PLCH2: variants seen among roughly 807,000 people sequenced by gnomAD.
The protein encoded by PLCH2 is phospholipase C eta 2, also known as 1-phosphatidylinositol 4,5-bisphosphate phosphodiesterase eta-2.
Under a neutral mutation model 134.7 loss-of-function variants are expected in PLCH2, and 98 were observed. That is an observed-to-expected ratio of 0.73 (90% CI 0.62 to 0.86). The LOEUF (loss-of-function observed/expected upper bound fraction) is 0.86. PLCH2 is among the 40% of genes least tolerant of loss of function. The pLI is 0.00. For synonymous variants in PLCH2, 974 were observed against 827.5 expected (o/e 1.18, Z -3.04); for missense variants, 1,994 against 1,986.6 (o/e 1.00, Z -0.07).
intron 2 of PLCH2, among the ~76,000 whole-genome samples, chr1:2,450,200 G>A (rs1156458213): frequency 2.6e-5 from 4 of 152,250 alleles, no homozygotes; most frequent in South Asian, 4.1e-4. Context: ...GGCAGATATC[G>A]GGCACCTCCT....
chr1:2,468,629 A>T (rs996110056), intron 1 of PLCH2, among the ~76,000 whole-genome samples: 2 of 152,242 alleles, frequency 1.3e-5, no homozygotes, highest in African/African-American at 4.8e-5. Context: ...GGCTCAGGCC[A>T]GACACCAGGA....
chr1:2,477,944 G>A (rs12742193), intron 1 of PLCH2, among the ~76,000 whole-genome samples: 16,692 of 152,260 alleles, frequency 0.11, 988 homozygotes, highest in East Asian at 0.14. Flanking sequence ...GCAGGGGCAT[G>A]GGGTTGCTGC....
At chr1:2,470,603 G>A (rs894729217) in intron 1 of PLCH2, among the ~76,000 whole-genome samples, 3 of 152,168 alleles carry the variant, frequency 2.0e-5, no homozygotes, top group Middle Eastern at 6.8e-3. Context: ...CTGTTTCCTC[G>A]CCTCCTCCGT....
In PLCH2 at chr1:2,487,683, T is replaced by C; in HGVS notation, c.1200T>C (p.Ile400=). The stretch of plus-strand genomic sequence containing the variant: ...CCAAGATCCTCTTCAAAGACGTCAT[T>C]GAAACCATCAACAAATATGCCTTCA... The part of the protein sequence containing the change: ...LTSKILFKDV[I]ETINKYAFIK... Residue 400 remains isoleucine (I), a synonymous_variant, in exon 8 of 22, where the codon ATT becomes ATC. Transcript: ENST00000378486. The C allele has an allele frequency of 1.2e-6, 2 of 1,613,520 alleles. No homozygotes were observed.
chr1:2,494,466 A>G (rs1370305047), intron 11 of PLCH2: 1 of 322,958 alleles, frequency 3.1e-6, no homozygotes, highest in African/African-American at 2.2e-5. Flanking sequence ...GGGTTGCGCA[A>G]GCAGGCCTGG....
chr1:2,459,368 TCC>T (rs1640660185), intron 2 of PLCH2, among the ~76,000 whole-genome samples: 1 of 149,002 alleles, frequency 6.7e-6, no homozygotes, highest in Non-Finnish European at 1.5e-5. Flanking sequence ...TTCCTGGTGG[TCC>T]TCCTTGCCGG....
In PLCH2 at chr1:2,480,272, A is replaced by G. The variant is rs773398129; in HGVS notation, c.605A>G (p.Asn202Ser). 5 of 1,612,536 alleles carry G rather than the reference A, an allele frequency of 3.1e-6. No homozygotes were observed. The highest frequency in any genetic ancestry group is 2.2e-5 in the East Asian group (1 of 44,894). Residue 202 changes from asparagine (N) to serine (S), a missense_variant, in exon 4 of 22, where the codon AAC becomes AGC. By Grantham distance (46) the Asn-to-Ser change is conservative (BLOSUM62 1). This residue lies in a region of PLCH2 where 1,094 missense variants were observed against 1,234.3 expected (regional missense o/e 0.89). Transcript: ENST00000378486. ...GEVLQLLHKLNVNLPRQRVKQ... is the reference protein window; with the variant it reads ...GEVLQLLHKLSVNLPRQRVKQ... Reference sequence around the variant, plus strand: ...GTCCTGCAGCTGCTGCACAAGCTCAACGTGAACCTGCCCCGGCAGAGGGTG... The same window carrying G: ...GTCCTGCAGCTGCTGCACAAGCTCAGCGTGAACCTGCCCCGGCAGAGGGTG...
chr1:2,450,040 C>T (rs1003007227), intron 2 of PLCH2, among the ~76,000 whole-genome samples: 3 of 152,242 alleles, frequency 2.0e-5, no homozygotes, highest in Admixed American at 2.0e-4. Context: ...CAGTGTCTCC[C>T]TGGCTCCCCT....
chr1:2,456,513 C>T (rs993357107), intron 2 of PLCH2, among the ~76,000 whole-genome samples: 4 of 152,218 alleles, frequency 2.6e-5, no homozygotes, highest in Admixed American at 6.5e-5. Context: ...TCACCGCTGC[C>T]GGTGCTTCTG....
chr1:2,497,721 T>C, intron 16 of PLCH2, 112 bp downstream of exon 16: 1 of 733,732 alleles, frequency 1.4e-6, no homozygotes, highest in South Asian at 1.7e-5. Context: ...TGGGGGCGGC[T>C]TTGGCAGAGT....
At chr1:2,491,622 G>A (rs144017084) in intron 11 of PLCH2, among the ~76,000 whole-genome samples, 58 of 152,382 alleles carry the variant, frequency 3.8e-4, no homozygotes, top group South Asian at 3.5e-3. Context: ...CTGTGGCCAC[G>A]TGGGGAAGTT....
intron 10 of PLCH2, among the ~76,000 whole-genome samples, chr1:2,490,618 A>G (rs1642522577): frequency 6.6e-6 from 1 of 150,438 alleles, no homozygotes. Context: ...CATTTTAGAA[A>G]CTCCTGAGGC....
intron 19 of PLCH2, 125 bp from the exon 20 acceptor site, chr1:2,499,516 G>T (rs1643093865): frequency 3.9e-6 from 3 of 770,710 alleles, no homozygotes; most frequent in Non-Finnish European, 6.5e-6. Context: ...GGAGGCAGAG[G>T]CCCCAGGCCT....
intron 21 of PLCH2, chr1:2,503,311 A>G: frequency 1.8e-6 from 1 of 568,342 alleles, no homozygotes; most frequent in Non-Finnish European, 3.2e-6. Flanking sequence ...GCCACGTACC[A>G]TCCCATTCCC....
rs1366816015 is a variant in PLCH2, at chr1:2,476,474, G to A, written c.-115G>A. On this transcript the variant is annotated 5_prime_UTR_variant, in exon 1 of 22. Coordinates refer to ENST00000378486, the MANE Select transcript of PLCH2 (RefSeq NM_014638.4). ...TGAGGAGGAGGAGGAAGAGGCAGAG[G>A]AGAGAAGGCCCCACGGAGGTCCTGT... 3 of 1,001,214 alleles carry A rather than the reference G, an allele frequency of 3.0e-6. No homozygotes were observed. Among genetic ancestry groups the A allele is most frequent in the African/African-American group, 3.3e-5 (2 of 60,906 alleles). 62.0% of individuals were successfully genotyped at this position (1,001,214 alleles called of 1,614,324 possible). A position where few individuals can be genotyped will look rare whatever the true frequency, so the allele number is the denominator to read the frequency against.
Position 2,503,983 on chromosome 1 carries a change from T to A in PLCH2, c.3021T>A (p.Ala1007=), listed in dbSNP as rs748706205. Residue 1007 remains alanine (A), a synonymous_variant, in exon 22 of 22, where the codon GCT becomes GCA. Transcript: ENST00000378486. ...LPPLCSLETI[A]EEPAPGPGPP... ...CACTGTGCAGCCTGGAAACCATCGC[T>A]GAGGAGCCCGCCCCAGGCCCTGGTC... is the stretch of plus-strand genomic sequence containing the variant. 1 of 1,477,356 alleles carries A rather than the reference T, an allele frequency of 6.8e-7. No homozygotes were observed. Among genetic ancestry groups the A allele is most frequent in the Non-Finnish European group, 9.1e-7 (1 of 1,104,086 alleles). 91.5% of individuals were successfully genotyped at this position (1,477,356 alleles called of 1,614,324 possible).
Position 2,458,556 on chromosome 1 carries a change from A to C in PLCH2, c.116-19920A>C, listed in dbSNP as rs1422072199. ...AGGAACTGGCAGGCCGGGTGGACCCAGTGGGTCCAGCAAGGTTGGTGTGAC... is the reference window on the plus strand; with the variant it reads ...AGGAACTGGCAGGCCGGGTGGACCCCGTGGGTCCAGCAAGGTTGGTGTGAC... On this transcript the variant is annotated intron_variant, in intron 2 of 3. Transcript: ENST00000609981. Among the ~76,000 whole-genome samples, 3 of 152,236 alleles carry C rather than the reference A, an allele frequency of 2.0e-5. No homozygotes were observed. In the East Asian group the frequency reaches 5.8e-4, roughly 29 times the overall value.
chr1:2,428,202 G>A (rs1430883788), intron 1 of PLCH2, among the ~76,000 whole-genome samples: 1 of 152,238 alleles, frequency 6.6e-6, no homozygotes, highest in Non-Finnish European at 1.5e-5. Flanking sequence ...TCTGAGCAGA[G>A]GCTGAAGGCC....
In PLCH2 at chr1:2,503,750, G is replaced by C. The variant is rs372098913; in HGVS notation, c.2960-172G>C. On this transcript the variant is annotated intron_variant, in intron 21 of 21. Coordinates refer to ENST00000378486, the MANE Select transcript of PLCH2 (RefSeq NM_014638.4). ...CCAGCAGCAGCAGGGTGGGGACACC[G>C]AGTGTGCCGCGCCCGGGGGATGCCT... 824 of 617,466 alleles carry C rather than the reference G, an allele frequency of 1.3e-3. 6 individuals carry two copies. In the South Asian group the frequency reaches 0.014, roughly 11 times the overall value. 38.2% of individuals were successfully genotyped at this position (617,466 alleles called of 1,614,324 possible). A position where few individuals can be genotyped will look rare whatever the true frequency, so the allele number is the denominator to read the frequency against.
Sources: allele counts gnomAD v4.1 joint callset (sites outside exome capture counted in the v4.1 genomes callset), GRCh38; gene constraint gnomAD v4.1.1; regional missense constraint gnomAD v4.1.1; transcripts MANE v1.5; gene names NCBI Gene and HGNC (gene_info 2026-07-23, HGNC 2026-07-21).